CFAP57: variants seen among roughly 807,000 people sequenced by gnomAD.
The protein encoded by CFAP57 is cilia and flagella associated protein 57, also known as cilia- and flagella-associated protein 57.
A neutral mutation model predicts 146.8 loss-of-function variants in CFAP57; 116 were observed. That is an observed-to-expected ratio of 0.79 (90% CI 0.68 to 0.92). The LOEUF is 0.92. Ranked by LOEUF, CFAP57 falls within the 40% of genes least tolerant of loss-of-function variation. The probability of loss-of-function intolerance (pLI) is 0.00; values close to 1 mark genes in which losing one functional copy is unlikely to be tolerated. For synonymous variants in CFAP57, 518 were observed against 552.8 expected (o/e 0.94, Z 0.88); for missense variants, 1,377 against 1,527.2 (o/e 0.90, Z 1.64).
chr1:43,179,612 C>T (rs1276375918), intron 2 of CFAP57, among the ~76,000 whole-genome samples: 1 of 152,102 alleles, frequency 6.6e-6, no homozygotes, highest in Non-Finnish European at 1.5e-5. Flanking sequence ...AGCAGTGTTC[C>T]TTTGCCTCAT....
intron 6 of CFAP57, among the ~76,000 whole-genome samples, chr1:43,187,459 G>T (rs2124338100): frequency 6.6e-6 from 1 of 151,746 alleles, no homozygotes; most frequent in Admixed American, 6.5e-5. Flanking sequence ...TCTCAGTAAT[G>T]GTCCTTTTTT....
intron 11 of CFAP57, 53 bp from the exon 12 acceptor site, chr1:43,215,202 C>T: frequency 6.5e-7 from 1 of 1,548,520 alleles, no homozygotes; most frequent in Non-Finnish European, 8.7e-7. Flanking sequence ...TGGCTCAGCC[C>T]TGGTCATCTG....
chr1:43,207,221 A>C (rs1225749008), intron 10 of CFAP57, among the ~76,000 whole-genome samples: 2 of 152,106 alleles, frequency 1.3e-5, no homozygotes, highest in Non-Finnish European at 2.9e-5. Context: ...CCAGGCATGG[A>C]GGTCATGTCA....
chr1:43,191,418 T>C (rs1272692812), intron 6 of CFAP57, among the ~76,000 whole-genome samples: 1 of 151,952 alleles, frequency 6.6e-6, no homozygotes, highest in Non-Finnish European at 1.5e-5. Context: ...AAACCCCGTC[T>C]CTACTAAAAA....
At chr1:43,182,835 A>G (rs938047028) in intron 3 of CFAP57, among the ~76,000 whole-genome samples, 1 of 152,246 alleles carries the variant, frequency 6.6e-6, no homozygotes, top group Non-Finnish European at 1.5e-5. Flanking sequence ...GTTGCTCACT[A>G]TATAGTCAGG....
At chr1:43,200,806 G>A (rs1321254093) in intron 9 of CFAP57, among the ~76,000 whole-genome samples, 1 of 152,206 alleles carries the variant, frequency 6.6e-6, no homozygotes, top group African/African-American at 2.4e-5. Context: ...AGAAGGTAGT[G>A]TATGCCATGC....
chr1:43,184,740 C>CTTTTTTTTTTTTTTT (rs57644418), intron 4 of CFAP57: 2 of 101,324 alleles, frequency 2.0e-5, no homozygotes, highest in African/African-American at 5.5e-5. Context: ...ATGGCATATC[C>CTTTTTTTTTTTTTTT]TTTTTTTTTT....
intron 21 of CFAP57, 73 bp downstream of exon 21, chr1:43,234,711 C>G: frequency 6.8e-7 from 1 of 1,472,146 alleles, no homozygotes; most frequent in Non-Finnish European, 9.1e-7. Flanking sequence ...AAGGGTCCCT[C>G]TGAGACCACC....
Position 43,222,263 on chromosome 1 carries a change from A to C in CFAP57, c.2500A>C (p.Lys834Gln), listed in dbSNP as rs78435721. Reference sequence around the variant, plus strand: ...GGAGCTGACTGAGTTTTACGAGGCAAAACTGCAGGAGAAAACCACCCTTCT... The same window carrying C: ...GGAGCTGACTGAGTTTTACGAGGCACAACTGCAGGAGAAAACCACCCTTCT... ...LEELTEFYEA[K>Q]LQEKTTLLEE... The change falls in exon 15 of 23, where the codon AAA becomes CAA. Residue 834 changes from lysine to glutamine, a missense_variant. Physicochemically the swap from Lys to Gln is moderately conservative, Grantham distance 53. Transcript: ENST00000372492. 2,982 of 1,471,472 alleles carry C rather than the reference A, an allele frequency of 2.0e-3. 44 individuals are homozygous for C. The African/African-American group carries it at 0.035, about 17-fold the overall frequency. The allele number at this position is 1,471,472 out of a possible 1,614,324, so 91.2% of individuals were successfully genotyped here. A position where few individuals can be genotyped will look rare whatever the true frequency, so the allele number is the denominator to read the frequency against.
In CFAP57 at chr1:43,215,424, C is replaced by G. The variant is rs766211063; in HGVS notation, c.2091+8C>G. ...ACAGACATGGAAGAAAAGGTAAGAA[C>G]TGGATCTAATGAAGAGGGATATGGA... On this transcript the variant is annotated splice_region_variant and intron_variant, in intron 12 of 22. Coordinates refer to ENST00000372492, the MANE Select transcript of CFAP57 (RefSeq NM_001378189.1). 1.9e-6 allele frequency: 3 copies of G among 1,549,698 alleles called. No individual in the cohort carries two copies. The highest frequency in any genetic ancestry group is 2.6e-6 in the Non-Finnish European group (3 of 1,146,340).
rs1013433184 is a variant in CFAP57 at position 43,219,702 on chromosome 1, C to T, written c.2247+165C>T. 18 of 852,272 alleles carry T rather than the reference C, an allele frequency of 2.1e-5. No individual in the cohort carries two copies. In the South Asian group the frequency reaches 2.7e-4, roughly 13 times the overall value. The allele number at this position is 852,272 out of a possible 1,614,324, so 52.8% of individuals were successfully genotyped here. A position where few individuals can be genotyped will look rare whatever the true frequency, so the allele number is the denominator to read the frequency against. ...TCAGAAATGCTTACAACTGGCCAGG[C>T]ACAGTGGCTCATGCCTGTAATCCCA... On this transcript the variant is annotated intron_variant, in intron 13 of 22. Coordinates refer to ENST00000372492, the MANE Select transcript of CFAP57 (RefSeq NM_001378189.1).
intron 10 of CFAP57, among the ~76,000 whole-genome samples, chr1:43,208,206 T>C (rs1041129525): frequency 6.6e-6 from 1 of 152,234 alleles, no homozygotes; most frequent in South Asian, 2.1e-4. Context: ...TTGGTGGGAC[T>C]GTAAACTAGT....
intron 12 of CFAP57, among the ~76,000 whole-genome samples, chr1:43,217,255 C>G (rs140831598): frequency 6.6e-6 from 1 of 152,234 alleles, no homozygotes; most frequent in African/African-American, 2.4e-5. Context: ...TCATAAGGAC[C>G]ATTCATAAAT....
chr1:43,177,919 A>C (rs1166798627), intron 2 of CFAP57, among the ~76,000 whole-genome samples: 1 of 152,218 alleles, frequency 6.6e-6, no homozygotes, highest in Admixed American at 6.5e-5. Context: ...AAAGAGAAGC[A>C]GCTGAAAGAG....
At chr1:43,210,448 T>C in intron 11 of CFAP57, 1 of 1,112,222 alleles carries the variant, frequency 9.0e-7, no homozygotes, top group South Asian at 2.6e-5. Context: ...GACGAATGCA[T>C]AAGCAAAAGA....
rs551353947 is a variant in CFAP57, at chr1:43,232,416, G to A, written c.3010-92G>A. ...AGAAAAGAAATGCCCGGGTGTCAGG[G>A]GTGGCATCCCCACTGAAAGACTACA... On this transcript the variant is annotated intron_variant, in intron 18 of 22. Transcript: ENST00000372492. 15 of 1,009,074 alleles carry A rather than the reference G, an allele frequency of 1.5e-5. No homozygotes were observed. The East Asian group carries it at 3.4e-4, about 23-fold the overall frequency. The allele number at this position is 1,009,074 out of a possible 1,614,324, so 62.5% of individuals were successfully genotyped here. A position where few individuals can be genotyped will look rare whatever the true frequency, so the allele number is the denominator to read the frequency against.
intron 12 of CFAP57, among the ~76,000 whole-genome samples, chr1:43,217,504 A>G (rs1644879415): frequency 6.6e-6 from 1 of 152,146 alleles, no homozygotes. Context: ...GGGATAAAGC[A>G]GAGAAGCAAG....
intron 18 of CFAP57, among the ~76,000 whole-genome samples, chr1:43,228,256 C>T (rs1251924044): frequency 2.6e-5 from 4 of 152,252 alleles, no homozygotes; most frequent in Non-Finnish European, 4.4e-5. Context: ...GTAAGTCACG[C>T]TTTTCCATCT....
At chr1:43,186,623 A>G in intron 5 of CFAP57, 84 bp from the exon 6 acceptor site, 1 of 1,224,878 alleles carries the variant, frequency 8.2e-7, no homozygotes, top group Non-Finnish European at 1.1e-6. Flanking sequence ...AAAAAAAAAA[A>G]AAAAAAAAAA....
Sources: allele counts gnomAD v4.1 joint callset (sites outside exome capture counted in the v4.1 genomes callset), GRCh38; gene constraint gnomAD v4.1.1; transcripts MANE v1.5; gene names NCBI Gene and HGNC (gene_info 2026-07-23, HGNC 2026-07-21).